Variants in RAB40B observed in about 807,000 individuals in gnomAD.
RAB40B encodes RAB40B, member RAS oncogene family.
RAB40B carries 21 observed loss-of-function variants against 24.0 expected under a neutral mutation model. That is an observed-to-expected ratio of 0.88 (90% CI 0.62 to 1.26). RAB40B has a LOEUF of 1.26. Among genes scored for constraint, RAB40B ranks in the 50% most tolerant of loss-of-function variants. The pLI is 0.00. For synonymous variants in RAB40B, 167 were observed against 169.8 expected (o/e 0.98, Z 0.13); for missense variants, 348 against 390.5 (o/e 0.89, Z 0.92).
intron 1 of RAB40B, 168 bp from the exon 2 acceptor site, chr17:82,664,724 C>T (rs2046232438): frequency 3.1e-6 from 2 of 635,854 alleles, no homozygotes; most frequent in Non-Finnish European, 5.4e-6. Context: ...GGGGCCCTGC[C>T]TGCGCCCTCC....
intron 2 of RAB40B, chr17:82,662,345 G>C: frequency 1.0e-6 from 1 of 985,500 alleles, no homozygotes; most frequent in Non-Finnish European, 1.2e-6. Flanking sequence ...GAGGCAGCGG[G>C]CCAGGTCAAT....
At chr17:82,662,508 C>T (rs1271396025) in intron 2 of RAB40B, 1 of 985,326 alleles carries the variant, frequency 1.0e-6, no homozygotes, top group Non-Finnish European at 1.2e-6. Flanking sequence ...ACCCCAGCCC[C>T]AGTGGGTGTG....
chr17:82,689,095 C>T (rs538155471), intron 1 of RAB40B, among the ~76,000 whole-genome samples: 10 of 152,258 alleles, frequency 6.6e-5, no homozygotes, highest in Non-Finnish European at 1.5e-4. Flanking sequence ...TTAAAAACAT[C>T]TCTGAATGTG....
chr17:82,690,116 G>C (rs1431029318), intron 1 of RAB40B, among the ~76,000 whole-genome samples: 1 of 152,238 alleles, frequency 6.6e-6, no homozygotes, highest in African/African-American at 2.4e-5. Context: ...TGGTTGCCAA[G>C]GGAAACCAGA....
chr17:82,659,559 A>G, intron 4 of RAB40B, 21 bp downstream of exon 4: 2 of 1,612,340 alleles, frequency 1.2e-6, no homozygotes, highest in Non-Finnish European at 1.7e-6. Context: ...GATCTTGGGC[A>G]GTGGCATTTC....
intron 1 of RAB40B, among the ~76,000 whole-genome samples, chr17:82,689,468 C>T (rs1184357876): frequency 1.3e-5 from 2 of 152,162 alleles, no homozygotes; most frequent in Non-Finnish European, 2.9e-5. Flanking sequence ...TCACCTGGGG[C>T]TGGGGTTACA....
intron 2 of RAB40B, chr17:82,662,860 C>T (rs1354081722): frequency 6.8e-5 from 66 of 970,408 alleles, no homozygotes; most frequent in South Asian, 2.4e-4. Context: ...GGAGAGGGCA[C>T]GCGCCAGCCC....
rs113821879 is a variant in RAB40B, at chr17:82,658,219, G to A, written c.566-85C>T. On this transcript the variant is annotated intron_variant, in intron 5 of 5. Coordinates refer to ENST00000571995, the MANE Select transcript of RAB40B (RefSeq NM_006822.3). Reference sequence around the variant, plus strand: ...GGGTGGTGCCCACACCTGTTCTCCCGCCCTCCCAAGGCTCGGACGCCCGTG... The same window carrying A: ...GGGTGGTGCCCACACCTGTTCTCCCACCCTCCCAAGGCTCGGACGCCCGTG... 7.3e-5 allele frequency: 112 copies of A among 1,528,968 alleles called. 1 individual carries two copies. The African/African-American group carries it at 1.1e-3, about 15-fold the overall frequency. 94.7% of individuals were successfully genotyped at this position (1,528,968 alleles called of 1,614,324 possible).
intron 1 of RAB40B, among the ~76,000 whole-genome samples, chr17:82,684,272 G>A (rs1263738427): frequency 6.6e-6 from 1 of 151,298 alleles, no homozygotes; most frequent in Non-Finnish European, 1.5e-5. Context: ...CCCATGAGTG[G>A]CTAACATTTA....
chr17:82,664,551 C>T lies in RAB40B; in HGVS notation c.148G>A (p.Asp50Asn), dbSNP rs1357435302. The T allele has an allele frequency of 4.3e-6, 7 of 1,613,578 alleles. No individual in the cohort carries two copies. Among genetic ancestry groups the T allele is most frequent in the Admixed American group, 3.3e-5 (2 of 59,998 alleles). The change falls in exon 2 of 6, where the codon GAC (aspartate) becomes AAC (asparagine). Residue 50 changes from aspartate (D) to asparagine (N), a missense_variant. Asp to Asn is a conservative substitution (Grantham distance 23, BLOSUM62 1). This residue lies in a region of RAB40B where 101 missense variants were observed against 85.5 expected (regional missense o/e 1.18). Coordinates refer to ENST00000571995, the MANE Select transcript of RAB40B (RefSeq NM_006822.3). ...AGCAGGATGGTGGTCGTCTTGTAGT[C>T]GATGCCTGCGGAAGGGTTAGAGACG... is the stretch of plus-strand genomic sequence containing the variant. The part of the protein sequence containing the change: ...ESPYGHPAGI[D>N]YKTTTILLDG...
chr17:82,673,102 G>A (rs1306678700), intron 1 of RAB40B, among the ~76,000 whole-genome samples: 1 of 152,178 alleles, frequency 6.6e-6, no homozygotes, highest in Non-Finnish European at 1.5e-5. Flanking sequence ...TACTTGGGAG[G>A]CTGAGGCAGG....
intron 1 of RAB40B, among the ~76,000 whole-genome samples, chr17:82,680,111 G>A (rs747401924): frequency 3.3e-5 from 5 of 152,248 alleles, no homozygotes; most frequent in South Asian, 2.1e-4. Flanking sequence ...GGGCTGGCCC[G>A]TCCTGCTCAG....
intron 1 of RAB40B, among the ~76,000 whole-genome samples, chr17:82,665,764 G>A (rs2046247478): frequency 6.6e-6 from 1 of 152,004 alleles, no homozygotes; most frequent in African/African-American, 2.4e-5. Flanking sequence ...CTAGTAGGGA[G>A]GCTGAGGCAG....
At chr17:82,694,916 T>G (rs2046593210) in intron 1 of RAB40B, among the ~76,000 whole-genome samples, 1 of 151,838 alleles carries the variant, frequency 6.6e-6, no homozygotes, top group Non-Finnish European at 1.5e-5. Flanking sequence ...ACTCGAGTCC[T>G]TCTGAAAAAA....
In RAB40B at chr17:82,663,474, C is replaced by T. The variant is rs111750126; in HGVS notation, c.203+1022G>A. Reference sequence around the variant, plus strand: ...GGAACCGCAGGAGCTCCCCCCATCCCAAGCCAAGAGCGGGTGGAGGGAGAG... The same window carrying T: ...GGAACCGCAGGAGCTCCCCCCATCCTAAGCCAAGAGCGGGTGGAGGGAGAG... On this transcript the variant is annotated intron_variant, in intron 2 of 5. Coordinates refer to ENST00000571995, the MANE Select transcript of RAB40B (RefSeq NM_006822.3). This position sits in a 1 kb window ranked among gnomAD's most constrained non-coding sequence, Gnocchi z 6.2. Among the ~76,000 whole-genome samples, 1 of 152,282 alleles carries T rather than the reference C, an allele frequency of 6.6e-6. No individual in the cohort carries two copies. Among genetic ancestry groups the T allele is most frequent in the Non-Finnish European group, 1.5e-5 (1 of 67,998 alleles).
intron 1 of RAB40B, among the ~76,000 whole-genome samples, chr17:82,671,427 C>T (rs1289500826): frequency 3.9e-5 from 4 of 102,942 alleles, no homozygotes; most frequent in Non-Finnish European, 8.9e-5. Context: ...CTCTAACACA[C>T]ACACGCTCCC....
At chr17:82,679,691 G>A (rs1403422295) in intron 1 of RAB40B, among the ~76,000 whole-genome samples, 1 of 103,234 alleles carries the variant, frequency 9.7e-6, no homozygotes, top group African/African-American at 3.7e-5. Context: ...CGCCAACCCT[G>A]TGCGGCCACT....
Position 82,692,528 on chromosome 17 carries a change from C to A in RAB40B, c.142+5927G>T, listed in dbSNP as rs1005832927. On this transcript the variant is annotated intron_variant, in intron 1 of 5. Transcript: ENST00000571995. This position sits in a 1 kb window ranked among gnomAD's most constrained non-coding sequence, Gnocchi z 4.0. ...CACACACAAGAGACAGGCGGGCCAA[C>A]GGTGCAGACCCAGACCCACAGGCGG... is the stretch of plus-strand genomic sequence containing the variant. Among the ~76,000 whole-genome samples the A allele has an allele frequency of 4.3e-4, 65 of 151,454 alleles. 1 individual carries two copies. The highest frequency in any genetic ancestry group is 1.2e-4 in the Non-Finnish European group (8 of 67,908).
At chr17:82,680,098 C>T (rs1182318336) in intron 1 of RAB40B, among the ~76,000 whole-genome samples, 1 of 152,242 alleles carries the variant, frequency 6.6e-6, no homozygotes, top group Non-Finnish European at 1.5e-5. Flanking sequence ...GGCAGCTGTC[C>T]TCGGGCTGGC....
Sources: gnomAD v4.1 joint callset for allele counts (sites outside exome capture counted in the v4.1 genomes callset) on GRCh38, gnomAD v4.1.1 for gene constraint, gnomAD v4.1.1 regional missense constraint, Gnocchi (gnomAD v3.1) non-coding constraint, MANE v1.5 for transcripts, NCBI Gene and HGNC (gene_info 2026-07-23, HGNC 2026-07-21) for gene names.